Variants in ZNF474 observed in about 807,000 individuals in gnomAD.
ZNF474 encodes 4933409D10Rik.
For synonymous variants in ZNF474, 192 were observed against 162.2 expected (o/e 1.18, Z -1.39); for missense variants, 511 against 433.8 (o/e 1.18, Z -1.58).
chr5:122,153,198 C>T lies in ZNF474; in HGVS notation c.*113C>T. ...CTGTTCAAGTTAACTCCCTGTTGAA[C>T]TCCAGGGCCTATACCTCTCTTGGCT... On this transcript the variant is annotated 3_prime_UTR_variant, in exon 2 of 2. Transcript: ENST00000296600. The T allele has an allele frequency of 1.5e-6, 2 of 1,357,668 alleles. No homozygotes were observed. The highest frequency in any genetic ancestry group is 1.0e-6 in the Non-Finnish European group (1 of 1,000,624). The allele number at this position is 1,357,668 out of a possible 1,614,324, so 84.1% of individuals were successfully genotyped here. A position where few individuals can be genotyped will look rare whatever the true frequency, so the allele number is the denominator to read the frequency against.
intron 1 of ZNF474, among the ~76,000 whole-genome samples, chr5:122,146,294 C>T (rs756245160): frequency 4.6e-5 from 7 of 152,028 alleles, no homozygotes; most frequent in Non-Finnish European, 8.8e-5. Flanking sequence ...ATAACTGGCA[C>T]AATTTTGCTA....
Position 122,152,465 on chromosome 5 carries a change from C to T in ZNF474, c.475C>T (p.Gln159Ter). ...TCAGGCAACTAACGAGGCTGCATTT[C>T]AGAGTGCCCAGGCTCAGCTGCTGCC... is the stretch of plus-strand genomic sequence containing the variant. Reference protein sequence around the residue: ...SLQATNEAAFQSAQAQLLPCE... With the variant: ...SLQATNEAAF Residue 159 changes from glutamine (Q) to a stop codon, truncating the protein, a stop_gained, in exon 2 of 2, where the codon CAG becomes TAG. Coordinates refer to ENST00000296600, the MANE Select transcript of ZNF474 (RefSeq NM_207317.3). LOFTEE classifies it low-confidence loss of function (END_TRUNC). 3.7e-6 allele frequency: 6 copies of T among 1,614,212 alleles called. No individual in the cohort carries two copies. Among genetic ancestry groups the T allele is most frequent in the African/African-American group, 1.3e-5 (1 of 75,076 alleles).
chr5:122,144,349 C>A (rs1168828729), intron 1 of ZNF474, among the ~76,000 whole-genome samples: 2 of 152,132 alleles, frequency 1.3e-5, no homozygotes, highest in African/African-American at 4.8e-5. Flanking sequence ...GAAGCATGAA[C>A]TATAAATTAG....
At position 122,149,920 on chromosome 5, in the gene ZNF474, TGAGAGAGA is replaced by T. The variant is rs369962675; in HGVS notation, c.-212-1845_-212-1838del. ...GTGTGTGTGTGTGTGTGTGCGCGCG[TGAGAGAGA>T]GAGAGAGAGAGAGGGAGGGAGAAAG... is the stretch of plus-strand genomic sequence containing the variant. On this transcript the variant is annotated intron_variant, in intron 1 of 1. Coordinates refer to ENST00000296600, the MANE Select transcript of ZNF474 (RefSeq NM_207317.3). Among the ~76,000 whole-genome samples, 8 of 134,012 alleles carry T rather than the reference TGAGAGAGA, an allele frequency of 6.0e-5. No homozygotes were observed. In the South Asian group the frequency reaches 1.2e-3, roughly 20 times the overall value. 87.9% of individuals were successfully genotyped at this position (134,012 alleles called of 152,430 possible).
In ZNF474 at chr5:122,151,869, A is replaced by G. The variant is rs1270460137; in HGVS notation, c.-122A>G. 38 of 1,226,472 alleles carry G rather than the reference A, an allele frequency of 3.1e-5. No homozygotes were observed. Among genetic ancestry groups the G allele is most frequent in the Non-Finnish European group, 3.7e-5 (33 of 888,978 alleles). The allele number at this position is 1,226,472 out of a possible 1,614,324, so 76.0% of individuals were successfully genotyped here. A position where few individuals can be genotyped will look rare whatever the true frequency, so the allele number is the denominator to read the frequency against. ...GCTCTGAGTCACGGTCTGTGAGGCT[A>G]AGGTACTGGCAACGGTGTGAACCCC... On this transcript the variant is annotated 5_prime_UTR_variant, in exon 2 of 2. Coordinates refer to ENST00000296600, the MANE Select transcript of ZNF474 (RefSeq NM_207317.3).
chr5:122,150,559 G>C (rs993836377), intron 1 of ZNF474, among the ~76,000 whole-genome samples: 2 of 152,132 alleles, frequency 1.3e-5, no homozygotes, highest in African/African-American at 4.8e-5. Flanking sequence ...CATACCAGGG[G>C]CTGCTCTTCT....
chr5:122,149,845 G>A (rs1248914533), intron 1 of ZNF474, among the ~76,000 whole-genome samples: 3 of 151,224 alleles, frequency 2.0e-5, no homozygotes, highest in Non-Finnish European at 2.9e-5. Context: ...AAGTCATGGG[G>A]ATTTCTCAGT....
Position 122,129,672 on chromosome 5 carries a change from CA to C in ZNF474, c.-220del, listed in dbSNP as rs1223149775. ...GTGCTCAGCATGCCATGCTAAAAGG[CA>C]AAATAAAAAGGTAAAGAACAAATGT... On this transcript the variant is annotated 5_prime_UTR_variant, in exon 1 of 2. The change creates a premature stop within an existing upstream ORF in the 5' untranslated region. Coordinates refer to ENST00000296600, the MANE Select transcript of ZNF474 (RefSeq NM_207317.3). The C allele has an allele frequency of 6.6e-6, 1 of 152,188 alleles. No individual in the cohort carries two copies. Among genetic ancestry groups the C allele is most frequent in the African/African-American group, 2.4e-5 (1 of 41,414 alleles). 9.4% of individuals were successfully genotyped at this position (152,188 alleles called of 1,614,324 possible).
chr5:122,145,324 C>T (rs895479856), intron 1 of ZNF474, among the ~76,000 whole-genome samples: 13 of 152,168 alleles, frequency 8.5e-5, no homozygotes, highest in African/African-American at 3.1e-4. Context: ...AACCATACTG[C>T]CTCTAGGTCC....
chr5:122,149,885 C>CTGTGTGTGTG (rs35051222), intron 1 of ZNF474, among the ~76,000 whole-genome samples: 4 of 141,588 alleles, frequency 2.8e-5, no homozygotes, highest in African/African-American at 8.0e-5. Flanking sequence ...AGAATTGACT[C>CTGTGTGTGTG]TGTGTGTGTG....
intron 1 of ZNF474, among the ~76,000 whole-genome samples, chr5:122,131,656 G>A (rs911515436): frequency 1.3e-5 from 2 of 151,894 alleles, no homozygotes; most frequent in Admixed American, 6.6e-5. Context: ...TTCTGGATTC[G>A]GACCCAGGAG....
At position 122,152,570 on chromosome 5, in the gene ZNF474, C is replaced by T. The variant is rs1208593001; in HGVS notation, c.580C>T (p.Pro194Ser). 3.1e-6 allele frequency: 5 copies of T among 1,614,170 alleles called. No homozygotes were observed. The highest frequency in any genetic ancestry group is 1.7e-5 in the Admixed American group (1 of 60,026). Residue 194 changes from proline (P) to serine (S), a missense_variant, in exon 2 of 2, where the codon CCC (proline) becomes TCC (serine). Physicochemically the swap from Pro to Ser is moderately conservative, Grantham distance 74. Transcript: ENST00000296600. The part of the protein sequence containing the change: ...HRSCKPKGEG[P>S]RAPHSNSSDH... ...AAGCTGCAAGCCAAAGGGTGAGGGT[C>T]CCAGAGCACCACACTCAAACAGTTC...
chr5:122,145,747 T>A (rs150080357), intron 1 of ZNF474, among the ~76,000 whole-genome samples: 1 of 152,252 alleles, frequency 6.6e-6, no homozygotes, highest in Non-Finnish European at 1.5e-5. Context: ...GATAAGCATC[T>A]TATTTTGTAA....
At chr5:122,145,730 A>T (rs1056578776) in intron 1 of ZNF474, among the ~76,000 whole-genome samples, 1 of 152,252 alleles carries the variant, frequency 6.6e-6, no homozygotes, top group Non-Finnish European at 1.5e-5. Context: ...TGAGGATTAA[A>T]TGTTCAGATA....
chr5:122,148,892 A>G (rs901700135), intron 1 of ZNF474, among the ~76,000 whole-genome samples: 2 of 151,714 alleles, frequency 1.3e-5, no homozygotes, highest in Non-Finnish European at 2.9e-5. Context: ...ACCATACCCA[A>G]CTAATTTTTG....
chr5:122,137,616 C>A (rs975055066), intron 1 of ZNF474, among the ~76,000 whole-genome samples: 1 of 152,014 alleles, frequency 6.6e-6, no homozygotes, highest in Non-Finnish European at 1.5e-5. Flanking sequence ...GTCCCTCCCC[C>A]AGTCTACCCC....
chr5:122,146,128 C>A (rs537734776), intron 1 of ZNF474, among the ~76,000 whole-genome samples: 1 of 152,308 alleles, frequency 6.6e-6, no homozygotes, highest in African/African-American at 2.4e-5. Flanking sequence ...TGGCCTCTTG[C>A]TCCCCACTTC....
chr5:122,151,836 G>T lies in ZNF474; in HGVS notation c.-155G>T. 1 of 863,712 alleles carries T rather than the reference G, an allele frequency of 1.2e-6. No homozygotes were observed. The highest frequency in any genetic ancestry group is 1.7e-6 in the Non-Finnish European group (1 of 571,964). 53.5% of individuals were successfully genotyped at this position (863,712 alleles called of 1,614,324 possible). A position where few individuals can be genotyped will look rare whatever the true frequency, so the allele number is the denominator to read the frequency against. The stretch of plus-strand genomic sequence containing the variant: ...TTCCAACATTCCAGACTGCCGTCCT[G>T]CAATGAAGCTCTGAGTCACGGTCTG... On this transcript the variant is annotated 5_prime_UTR_variant, in exon 2 of 2. Transcript: ENST00000296600.
rs865920407 is a variant in ZNF474, at chr5:122,130,535, G to T, written c.-213+852G>T. On this transcript the variant is annotated intron_variant, in intron 1 of 1. Coordinates refer to ENST00000296600, the MANE Select transcript of ZNF474 (RefSeq NM_207317.3). ...GTCAGTAGTACAATTCTTTTTAAAG[G>T]TAAGTATAATTGCATTATATGCTTA... Among the ~76,000 whole-genome samples the T allele has an allele frequency of 2.6e-5, 4 of 152,150 alleles. No individual in the cohort carries two copies. The Middle Eastern group carries it at 0.01, about 388-fold the overall frequency.
Sources: allele counts gnomAD v4.1 joint callset (sites outside exome capture counted in the v4.1 genomes callset), GRCh38; gene constraint gnomAD v4.1.1; transcripts MANE v1.5; gene names NCBI Gene and HGNC (gene_info 2026-07-23, HGNC 2026-07-21).